DRC11: variants seen among roughly 807,000 people sequenced by gnomAD.
DRC11 encodes IQ and AAA domain-containing protein 1.
the DRC11 span, among the ~76,000 whole-genome samples, chr2:236,475,216 G>C: frequency 6.6e-6 from 1 of 152,090 alleles, no homozygotes; most frequent in Non-Finnish European, 1.5e-5. The surrounding 1 kb of genome is among the most constrained non-coding windows in gnomAD (Gnocchi z 4.8). Flanking sequence ...ACGTACAAGT[G>C]AGAATATGTG....
chr2:236,357,030 T>TC, the DRC11 span, among the ~76,000 whole-genome samples: 1 of 82,906 alleles, frequency 1.2e-5, no homozygotes, highest in African/African-American at 4.9e-5. Context: ...TATCTATATA[T>TC]TTATATATTC....
chr2:236,357,186 CAT>C, the DRC11 span, among the ~76,000 whole-genome samples: 1 of 102,716 alleles, frequency 9.7e-6, no homozygotes, highest in African/African-American at 4.2e-5. Context: ...TATATATATT[CAT>C]ATATATTATA....
the DRC11 span, among the ~76,000 whole-genome samples, chr2:236,327,257 CTTTTTG>C: frequency 6.6e-5 from 10 of 152,090 alleles, no homozygotes; most frequent in African/African-American, 2.2e-4. Flanking sequence ...ACAAACTGTT[CTTTTTG>C]TTTTTGTTTT....
the DRC11 span, among the ~76,000 whole-genome samples, chr2:236,471,824 G>A: frequency 1.3e-5 from 2 of 152,084 alleles, no homozygotes; most frequent in Admixed American, 6.6e-5. This position sits in a 1 kb window ranked among gnomAD's most constrained non-coding sequence, Gnocchi z 4.6. Flanking sequence ...TGACCTTAAC[G>A]GCTTTAATCT....
At chr2:236,381,175 G>A in the DRC11 span, among the ~76,000 whole-genome samples, 1 of 152,122 alleles carries the variant, frequency 6.6e-6, no homozygotes, top group Non-Finnish European at 1.5e-5. The surrounding 1 kb of genome is among the most constrained non-coding windows in gnomAD (Gnocchi z 5.8). Flanking sequence ...CAGCTAGGAG[G>A]AACCATCTTT....
the DRC11 span, chr2:236,503,622 C>T: frequency 1.3e-6 from 2 of 1,549,682 alleles, no homozygotes; most frequent in Middle Eastern, 1.7e-4. This position sits in a 1 kb window ranked among gnomAD's most constrained non-coding sequence, Gnocchi z 4.9. Context: ...CGGATCCCTG[C>T]ATCATTACCT....
At chr2:236,363,786 G>A in the DRC11 span, 1 of 1,609,992 alleles carries the variant, frequency 6.2e-7, no homozygotes, top group South Asian at 1.1e-5. The surrounding 1 kb of genome is among the most constrained non-coding windows in gnomAD (Gnocchi z 5.6). Context: ...ATACCTTGAA[G>A]ACTGCATGCA....
chr2:236,502,135 G>T, the DRC11 span, among the ~76,000 whole-genome samples: 1 of 152,178 alleles, frequency 6.6e-6, no homozygotes, highest in African/African-American at 2.4e-5. Flanking sequence ...GACCTTCAGT[G>T]GAGAAATGCT....
At chr2:236,399,429 T>A in the DRC11 span, 1 of 1,613,810 alleles carries the variant, frequency 6.2e-7, no homozygotes, top group Non-Finnish European at 8.5e-7. This position sits in a 1 kb window ranked among gnomAD's most constrained non-coding sequence, Gnocchi z 7.0. Flanking sequence ...ATGCGTTACA[T>A]CCTTCCTTCA....
the DRC11 span, among the ~76,000 whole-genome samples, chr2:236,384,963 A>G: frequency 1.3e-5 from 2 of 152,020 alleles, no homozygotes; most frequent in African/African-American, 4.8e-5. Flanking sequence ...CAAAGATCAG[A>G]TAGTTGTAGA....
At chr2:236,368,572 A>C in the DRC11 span, 3 of 312,194 alleles carry the variant, frequency 9.6e-6, 1 homozygote, top group Non-Finnish European at 1.2e-5. Flanking sequence ...TTTCTAAAAC[A>C]ACATTTGAAT....
At chr2:236,357,094 A>G in the DRC11 span, among the ~76,000 whole-genome samples, 4 of 133,698 alleles carry the variant, frequency 3.0e-5, no homozygotes, top group Non-Finnish European at 4.6e-5. Context: ...TATATTTTAT[A>G]TATTCGTATA....
At chr2:236,402,645 C>T in the DRC11 span, among the ~76,000 whole-genome samples, 1 of 152,152 alleles carries the variant, frequency 6.6e-6, no homozygotes, top group South Asian at 2.1e-4. The surrounding 1 kb of genome is among the most constrained non-coding windows in gnomAD (Gnocchi z 6.0). Flanking sequence ...GACCCAGAAA[C>T]ACCAGGGGGC....
chr2:236,442,640 GA>G, the DRC11 span, among the ~76,000 whole-genome samples: 168 of 152,232 alleles, frequency 1.1e-3, no homozygotes, highest in African/African-American at 3.9e-3. Context: ...TCGGTCACTG[GA>G]AAACGATGCT....
the DRC11 span, among the ~76,000 whole-genome samples, chr2:236,339,822 T>C: frequency 1.3e-5 from 2 of 152,248 alleles, no homozygotes; most frequent in African/African-American, 4.8e-5. Flanking sequence ...AGTTGGAAAA[T>C]GAAATTGGGA....
At chr2:236,478,166 T>C in the DRC11 span, among the ~76,000 whole-genome samples, 1 of 152,146 alleles carries the variant, frequency 6.6e-6, no homozygotes, top group Non-Finnish European at 1.5e-5. This position sits in a 1 kb window ranked among gnomAD's most constrained non-coding sequence, Gnocchi z 5.9. Context: ...TCTGTTTTTC[T>C]GATGTAGGCC....
At chr2:236,321,346 T>C in the DRC11 span, among the ~76,000 whole-genome samples, 8 of 152,176 alleles carry the variant, frequency 5.3e-5, no homozygotes, top group African/African-American at 1.9e-4. Flanking sequence ...CTGTATGTGC[T>C]GATATGAAAC....
chr2:236,396,589 G>T, the DRC11 span, among the ~76,000 whole-genome samples: 1 of 152,254 alleles, frequency 6.6e-6, no homozygotes, highest in East Asian at 1.9e-4. Flanking sequence ...GGTTGCAAGA[G>T]TTGGCTTCCC....
the DRC11 span, among the ~76,000 whole-genome samples, chr2:236,423,335 G>T: frequency 4.0e-5 from 6 of 151,422 alleles, no homozygotes; most frequent in Admixed American, 3.9e-4. Flanking sequence ...AATCTACAAT[G>T]AACTCAAACA....
Sources: allele counts gnomAD v4.1 joint callset (sites outside exome capture counted in the v4.1 genomes callset), GRCh38; gene constraint gnomAD v4.1.1; non-coding constraint Gnocchi (gnomAD v3.1); transcripts MANE v1.5; gene names NCBI Gene and HGNC (gene_info 2026-07-23, HGNC 2026-07-21).